Variants in SLC6A19 observed in about 807,000 individuals in gnomAD.
SLC6A19 encodes the protein sodium-dependent neutral amino acid transporter B(0)AT1.
A neutral mutation model predicts 68.3 loss-of-function variants in SLC6A19; 67 were observed. The ratio of observed to expected loss-of-function variants is 0.98; its 90% CI spans 0.81 to 1.20. The LOEUF (loss-of-function observed/expected upper bound fraction) is 1.20, where lower values mean the gene tolerates loss of function less well. SLC6A19 is among the 50% of genes most tolerant of loss of function. SLC6A19 has a pLI of 0.00. For missense variants in SLC6A19, 813 were observed against 851.6 expected (o/e 0.95, Z 0.56); for synonymous variants, 392 against 374.9 (o/e 1.05, Z -0.53).
At chr5:1,207,295 G>A (rs1745882707) in intron 1 of SLC6A19, among the ~76,000 whole-genome samples, 1 of 152,188 alleles carries the variant, frequency 6.6e-6, no homozygotes, top group African/African-American at 2.4e-5. Flanking sequence ...AGGAGTGGCT[G>A]CACCTCATCC....
Position 1,222,478 on chromosome 5 carries a change from G to A in SLC6A19, c.*574G>A, listed in dbSNP as rs1261618829. The stretch of plus-strand genomic sequence containing the variant: ...TGCGTTTGCAAGTATATATGCACAT[G>A]TGTATATGTACATGTATGCCTGTGT... On this transcript the variant is annotated 3_prime_UTR_variant, in exon 12 of 12. Transcript: ENST00000304460. The A allele has an allele frequency of 4.6e-6, 2 of 432,238 alleles. No individual in the cohort carries two copies. Among genetic ancestry groups the A allele is most frequent in the Admixed American group, 3.8e-5 (1 of 26,236 alleles). The allele number at this position is 432,238 out of a possible 1,614,324, so 26.8% of individuals were successfully genotyped here.
At chr5:1,204,696 G>A (rs1482331959) in intron 1 of SLC6A19, among the ~76,000 whole-genome samples, 1 of 152,208 alleles carries the variant, frequency 6.6e-6, no homozygotes, top group African/African-American at 2.4e-5. Flanking sequence ...TCTGCACAGG[G>A]CAGTGATGGT....
rs1012471567 is a variant in SLC6A19 at position 1,209,184 on chromosome 5, C to T, written c.343+298C>T. 2.6e-5 allele frequency among the ~76,000 whole-genome samples: 4 copies of T among 152,108 alleles called. No individual in the cohort carries two copies. Among genetic ancestry groups the T allele is most frequent in the Non-Finnish European group, 2.9e-5 (2 of 68,004 alleles). On this transcript the variant is annotated intron_variant, in intron 2 of 11. Transcript: ENST00000304460. This position sits in a 1 kb window ranked among gnomAD's most constrained non-coding sequence, Gnocchi z 5.5. ...GTGACCACTCAAGCCCTGCCCATGG[C>T]GGCGCTCAGCGAGAGCCCAGGGCCC... is the stretch of plus-strand genomic sequence containing the variant.
At position 1,224,904 on chromosome 5, in the gene SLC6A19, G is replaced by A. The variant is rs938866779; in HGVS notation, c.*3000G>A. The A allele has an allele frequency of 1.9e-5, 3 of 154,882 alleles. No homozygotes were observed. Among genetic ancestry groups the A allele is most frequent in the African/African-American group, 7.2e-5 (3 of 41,480 alleles). The allele number at this position is 154,882 out of a possible 1,614,324, so 9.6% of individuals were successfully genotyped here. ...CTGCCCCCACGCACGGTGGGTGCCT[G>A]TCACCCTGTCCTGCCCAGCGGCCCG... is the stretch of plus-strand genomic sequence containing the variant. On this transcript the variant is annotated 3_prime_UTR_variant, in exon 12 of 12. Transcript: ENST00000304460.
At chr5:1,217,801 G>A (rs918754671) in intron 8 of SLC6A19, among the ~76,000 whole-genome samples, 5 of 152,230 alleles carry the variant, frequency 3.3e-5, no homozygotes, top group African/African-American at 1.2e-4. Flanking sequence ...ACAGCCATGT[G>A]CAGCACCCCC....
chr5:1,203,809 C>T (rs886936726), intron 1 of SLC6A19, among the ~76,000 whole-genome samples: 1 of 152,236 alleles, frequency 6.6e-6, no homozygotes, highest in African/African-American at 2.4e-5. Flanking sequence ...AAGGGCAGGG[C>T]CCCGAGAATG....
chr5:1,215,496 G>A lies in SLC6A19; in HGVS notation c.888-1062G>A, dbSNP rs1364410886. On this transcript the variant is annotated intron_variant, in intron 6 of 11. Coordinates refer to ENST00000304460, the MANE Select transcript of SLC6A19 (RefSeq NM_001003841.3). The surrounding 1 kb of genome is among the most constrained non-coding windows in gnomAD (Gnocchi z 5.1). ...TCCGGACATTTCCTGCGAATGGGGT[G>A]GCCACATTGCCACAGCCCTGTGTCT... is the stretch of plus-strand genomic sequence containing the variant. 6.6e-6 allele frequency among the ~76,000 whole-genome samples: 1 copy of A among 152,224 alleles called. No individual in the cohort carries two copies. Among genetic ancestry groups the A allele is most frequent in the Non-Finnish European group, 1.5e-5 (1 of 68,032 alleles).
rs200193999 is a variant in SLC6A19 at position 1,216,879 on chromosome 5, C to G, written c.1107C>G (p.Ala369=). 2.7e-5 allele frequency: 43 copies of G among 1,613,724 alleles called. No homozygotes were observed. Among genetic ancestry groups the G allele is most frequent in the Middle Eastern group, 3.3e-4 (2 of 6,052 alleles). ...NFVDMQQRCN[A]SDPAAYAQLV... ...TGGACATGCAGCAGCGGTGCAACGC[C>G]TCCGACCCCGCGGCCTACGCGCAGC... Residue 369 remains alanine (A), a synonymous_variant, in exon 8 of 12, where the codon GCC becomes GCG. Transcript: ENST00000304460.
chr5:1,212,573 G>A lies in SLC6A19; in HGVS notation c.663+89G>A, dbSNP rs775590924. ...CGGCCGGCTGCACTCTAAAACCCAG[G>A]TCTGGGGGTCCCGGGCTCTGCCTTT... On this transcript the variant is annotated intron_variant, in intron 4 of 11. Coordinates refer to ENST00000304460, the MANE Select transcript of SLC6A19 (RefSeq NM_001003841.3). The surrounding 1 kb of genome is among the most constrained non-coding windows in gnomAD (Gnocchi z 5.1). The A allele has an allele frequency of 2.0e-6, 3 of 1,528,928 alleles. No homozygotes were observed. The highest frequency in any genetic ancestry group is 8.9e-7 in the Non-Finnish European group (1 of 1,122,056). The allele number at this position is 1,528,928 out of a possible 1,614,324, so 94.7% of individuals were successfully genotyped here. A position where few individuals can be genotyped will look rare whatever the true frequency, so the allele number is the denominator to read the frequency against.
rs892731677 is a variant in SLC6A19, at chr5:1,219,058, G to A, written c.1329G>A (p.Leu443=). The stretch of plus-strand genomic sequence containing the variant: ...ACATGGAGGGCGTCGTTGTGCCCCT[G>A]CAGGACCTCAGAGTCATCCCCCCGA... ...FGNMEGVVVP[L]QDLRVIPPKW... The change falls in exon 9 of 12, where the codon CTG becomes CTA. Residue 443 remains leucine, a synonymous_variant. Transcript: ENST00000304460. 1.2e-6 allele frequency: 2 copies of A among 1,613,998 alleles called. No homozygotes were observed. Among genetic ancestry groups the A allele is most frequent in the African/African-American group, 1.3e-5 (1 of 75,042 alleles).
At chr5:1,211,354 G>T (rs867693809) in intron 3 of SLC6A19, among the ~76,000 whole-genome samples, 1 of 152,242 alleles carries the variant, frequency 6.6e-6, no homozygotes, top group Non-Finnish European at 1.5e-5. Context: ...GGTTCCACAA[G>T]CCCAGAGAGG....
chr5:1,202,515 T>A (rs1745737128), intron 1 of SLC6A19, among the ~76,000 whole-genome samples: 1 of 152,184 alleles, frequency 6.6e-6, no homozygotes, highest in Admixed American at 6.5e-5. Context: ...ATCTGAGAAG[T>A]GGCTCCCAGG....
At position 1,222,602 on chromosome 5, in the gene SLC6A19, C is replaced by T. The variant is rs191531175; in HGVS notation, c.*698C>T. ...TGTGTATATGTGTGTGATGTGTGCT[C>T]GTGTGTGTGCATATTCAGGCAGGTG... On this transcript the variant is annotated 3_prime_UTR_variant, in exon 12 of 12. Coordinates refer to ENST00000304460, the MANE Select transcript of SLC6A19 (RefSeq NM_001003841.3). 6.5e-5 allele frequency: 20 copies of T among 310,066 alleles called. No individual in the cohort carries two copies. The East Asian group carries it at 8.0e-4, about 12-fold the overall frequency. 19.2% of individuals were successfully genotyped at this position (310,066 alleles called of 1,614,324 possible).
At position 1,221,689 on chromosome 5, in the gene SLC6A19, C is replaced by A. The variant is rs199832718; in HGVS notation, c.1702-12C>A. The A allele has an allele frequency of 6.2e-7, 1 of 1,613,760 alleles. No individual in the cohort carries two copies. The highest frequency in any genetic ancestry group is 1.1e-5 in the South Asian group (1 of 91,058). On this transcript the variant is annotated splice_polypyrimidine_tract_variant and intron_variant, in intron 11 of 11. Transcript: ENST00000304460. ...CCGGGATGCCTACTCACCCATGGGG[C>A]TCTCTCCCCAGGAGGAATTTCCCAA...
Position 1,209,155 on chromosome 5 carries a change from C to T in SLC6A19, c.343+269C>T, listed in dbSNP as rs1003539110. 1.1e-4 allele frequency among the ~76,000 whole-genome samples: 16 copies of T among 152,142 alleles called. No homozygotes were observed. Among genetic ancestry groups the T allele is most frequent in the African/African-American group, 3.6e-4 (15 of 41,424 alleles). On this transcript the variant is annotated intron_variant, in intron 2 of 11. Coordinates refer to ENST00000304460, the MANE Select transcript of SLC6A19 (RefSeq NM_001003841.3). This position sits in a 1 kb window ranked among gnomAD's most constrained non-coding sequence, Gnocchi z 5.5. ...CCAGGAGGGTCCAGACACTGGACAG[C>T]AGAGTGACCACTCAAGCCCTGCCCA...
chr5:1,207,056 G>A (rs1745873738), intron 1 of SLC6A19, among the ~76,000 whole-genome samples: 1 of 152,232 alleles, frequency 6.6e-6, no homozygotes, highest in African/African-American at 2.4e-5. Flanking sequence ...CGTCCCCATA[G>A]CAGGGTGCTC....
rs1339175171 is a variant in SLC6A19 at position 1,215,379 on chromosome 5, G to C, written c.888-1179G>C. On this transcript the variant is annotated intron_variant, in intron 6 of 11. Coordinates refer to ENST00000304460, the MANE Select transcript of SLC6A19 (RefSeq NM_001003841.3). This position sits in a 1 kb window ranked among gnomAD's most constrained non-coding sequence, Gnocchi z 5.1. The stretch of plus-strand genomic sequence containing the variant: ...TTCTAGAAGGTTCCAATCAGCAAAA[G>C]CTCCACATATGTGAGCAGCCGCTCC... Among the ~76,000 whole-genome samples, 2 of 152,208 alleles carry C rather than the reference G, an allele frequency of 1.3e-5. No homozygotes were observed. Among genetic ancestry groups the C allele is most frequent in the African/African-American group, 2.4e-5 (1 of 41,448 alleles).
At chr5:1,201,987 T>TG (rs1745718871) in intron 1 of SLC6A19, 135 bp downstream of exon 1, 12 of 1,217,002 alleles carry the variant, frequency 9.9e-6, no homozygotes, top group Non-Finnish European at 1.3e-5. Flanking sequence ...CCGCAGGGTG[T>TG]GGGGGGAGCT....
At chr5:1,220,985 C>G (rs1450969405) in intron 10 of SLC6A19, among the ~76,000 whole-genome samples, 166 bp from the exon 11 acceptor site, 1 of 152,170 alleles carries the variant, frequency 6.6e-6, no homozygotes, top group Non-Finnish European at 1.5e-5. Flanking sequence ...ACAGAGGGGT[C>G]TGCTTGAGGA....
Sources: allele counts gnomAD v4.1 joint callset (sites outside exome capture counted in the v4.1 genomes callset), GRCh38; gene constraint gnomAD v4.1.1; non-coding constraint Gnocchi (gnomAD v3.1); transcripts MANE v1.5; gene names NCBI Gene and HGNC (gene_info 2026-07-23, HGNC 2026-07-21).